Variants in ARHGAP42 observed in about 807,000 individuals in gnomAD.
ARHGAP42 encodes the protein Rho GTPase activating protein 42.
In ARHGAP42, 63 loss-of-function variants were observed where a neutral mutation model predicts 125.0. The observed-to-expected ratio is 0.50, with a 90% CI of 0.41 to 0.62. The LOEUF (loss-of-function observed/expected upper bound fraction) is 0.62, where lower values mean the gene tolerates loss of function less well. Among genes scored for constraint, ARHGAP42 ranks in the 20% least tolerant of loss-of-function variants. ARHGAP42 has a pLI of 0.00. For synonymous variants in ARHGAP42, 339 were observed against 351.0 expected, an observed-to-expected ratio of 0.97 and a Z score of 0.38; for missense variants, 766 against 1,024.2, an observed-to-expected ratio of 0.75 and a Z score of 3.44.
chr11:100,755,697 A>G (rs1263094926), intron 1 of ARHGAP42, among the ~76,000 whole-genome samples: 1 of 152,218 alleles, frequency 6.6e-6, no homozygotes, highest in African/African-American at 2.4e-5. Context: ...AATAGTAGTA[A>G]GTTGAAGATA....
At chr11:100,804,322 C>A (rs762814941) in intron 3 of ARHGAP42, among the ~76,000 whole-genome samples, 5 of 151,804 alleles carry the variant, frequency 3.3e-5, no homozygotes, top group Non-Finnish European at 7.4e-5. Flanking sequence ...AAAAGTACTT[C>A]CCTGAAATGA....
At chr11:100,842,879 A>G (rs1864974174) in intron 3 of ARHGAP42, among the ~76,000 whole-genome samples, 1 of 152,180 alleles carries the variant, frequency 6.6e-6, no homozygotes, top group Non-Finnish European at 1.5e-5. Flanking sequence ...GAAAGACCAC[A>G]AACAGACAAT....
intron 4 of ARHGAP42, among the ~76,000 whole-genome samples, chr11:100,862,286 T>A (rs1033567539): frequency 6.6e-5 from 10 of 152,202 alleles, no homozygotes; most frequent in Admixed American, 6.5e-4. Flanking sequence ...AGCCTTGACT[T>A]AACAAGCTTT....
At chr11:100,690,718 T>TC (rs752251983) in intron 1 of ARHGAP42, among the ~76,000 whole-genome samples, 1 of 152,054 alleles carries the variant, frequency 6.6e-6, no homozygotes, top group Non-Finnish European at 1.5e-5. Context: ...TGCCTCAGCC[T>TC]CCCAAGTAGC....
chr11:100,910,594 C>G (rs1177964827), intron 4 of ARHGAP42, among the ~76,000 whole-genome samples: 1 of 151,668 alleles, frequency 6.6e-6, no homozygotes, highest in Non-Finnish European at 1.5e-5. Context: ...TTCATGTCCA[C>G]AACAAGTAAC....
intron 7 of ARHGAP42, among the ~76,000 whole-genome samples, chr11:100,934,621 T>C (rs1338914046): frequency 2.0e-5 from 3 of 152,138 alleles, no homozygotes; most frequent in African/African-American, 7.2e-5. Context: ...ACCTGACAAA[T>C]AATGATGTCT....
intron 13 of ARHGAP42, 70 bp from the exon 14 acceptor site, chr11:100,960,845 G>A (rs1857935113): frequency 2.0e-6 from 2 of 1,023,040 alleles, no homozygotes; most frequent in African/African-American, 3.3e-5. Context: ...GCATATGTCT[G>A]AGTTTTTAAC....
intron 2 of ARHGAP42, among the ~76,000 whole-genome samples, chr11:100,791,062 G>T (rs1042054057): frequency 6.6e-6 from 1 of 152,200 alleles, no homozygotes; most frequent in African/African-American, 2.4e-5. Flanking sequence ...AGTGATGGGT[G>T]CTGGGGGTAG....
chr11:100,812,795 G>T (rs1175748730), intron 3 of ARHGAP42, among the ~76,000 whole-genome samples: 2 of 152,192 alleles, frequency 1.3e-5, no homozygotes, highest in Non-Finnish European at 2.9e-5. Flanking sequence ...GATAAAGTGT[G>T]GTTGATTGGG....
intron 1 of ARHGAP42, among the ~76,000 whole-genome samples, chr11:100,698,032 A>G (rs1176008752): frequency 6.6e-6 from 1 of 152,176 alleles, no homozygotes; most frequent in Non-Finnish European, 1.5e-5. Context: ...CTGTTTTATT[A>G]TTTATTTTAA....
chr11:100,706,056 T>C (rs1418669240), intron 1 of ARHGAP42, among the ~76,000 whole-genome samples: 2 of 149,144 alleles, frequency 1.3e-5, no homozygotes, highest in Non-Finnish European at 3.0e-5. Context: ...CTCGGCTCAC[T>C]GCAACCTCTG....
intron 1 of ARHGAP42, among the ~76,000 whole-genome samples, chr11:100,754,444 C>T (rs916882904): frequency 1.4e-4 from 22 of 152,162 alleles, no homozygotes; most frequent in African/African-American, 5.3e-4. Flanking sequence ...AGGAACCTTG[C>T]GTTCAGGCCA....
chr11:100,771,929 G>A (rs185058864), intron 2 of ARHGAP42, among the ~76,000 whole-genome samples: 4 of 152,222 alleles, frequency 2.6e-5, no homozygotes, highest in Admixed American at 6.5e-5. Flanking sequence ...CTTGGGTTGC[G>A]TGTAAGATTC....
chr11:100,725,262 C>T (rs574552996), intron 1 of ARHGAP42, among the ~76,000 whole-genome samples: 1 of 151,878 alleles, frequency 6.6e-6, no homozygotes, highest in African/African-American at 2.4e-5. Context: ...CCTCTGCCTC[C>T]TAGGTTCAAG....
intron 4 of ARHGAP42, among the ~76,000 whole-genome samples, chr11:100,901,112 T>G (rs1289289920): frequency 6.6e-6 from 1 of 152,216 alleles, no homozygotes; most frequent in Non-Finnish European, 1.5e-5. Context: ...ATGCTATTCC[T>G]TTCTATTTGT....
chr11:100,839,030 G>C (rs1386218852), intron 3 of ARHGAP42, among the ~76,000 whole-genome samples: 1 of 151,362 alleles, frequency 6.6e-6, no homozygotes, highest in Non-Finnish European at 1.5e-5. Flanking sequence ...CTACTTCTAT[G>C]TATTATGTGC....
At chr11:100,857,919 C>G (rs1327218143) in intron 3 of ARHGAP42, among the ~76,000 whole-genome samples, 1 of 152,042 alleles carries the variant, frequency 6.6e-6, no homozygotes. Flanking sequence ...TTGTGAAGGA[C>G]TTATTGCAAT....
intron 4 of ARHGAP42, among the ~76,000 whole-genome samples, chr11:100,903,403 G>A (rs1246949449): frequency 6.6e-6 from 1 of 151,770 alleles, no homozygotes; most frequent in African/African-American, 2.4e-5. Flanking sequence ...TTGTCATCCC[G>A]GAAGAGCAGA....
intron 1 of ARHGAP42, among the ~76,000 whole-genome samples, chr11:100,710,495 A>G (rs1861544068): frequency 6.7e-6 from 1 of 148,662 alleles, no homozygotes; most frequent in Non-Finnish European, 1.5e-5. Context: ...TCGGCCTCCC[A>G]AAGTGCTGGA....
Sources: allele counts gnomAD v4.1 joint callset (sites outside exome capture counted in the v4.1 genomes callset), GRCh38; gene constraint gnomAD v4.1.1; transcripts MANE v1.5; gene names NCBI Gene and HGNC (gene_info 2026-07-23, HGNC 2026-07-21).